The following SLC9D1 variants were observed in gnomAD, a reference collection of about 807,000 sequenced individuals.
The protein encoded by SLC9D1 is putative LAG1-interacting protein.
chr13:113,493,775 T>C, the SLC9D1 span, among the ~76,000 whole-genome samples: 1 of 152,330 alleles, frequency 6.6e-6, no homozygotes, highest in South Asian at 2.1e-4. Flanking sequence ...TTGGTGACTT[T>C]TGCTTGTAAT....
At chr13:113,491,748 G>A in the SLC9D1 span, among the ~76,000 whole-genome samples, 1 of 152,190 alleles carries the variant, frequency 6.6e-6, no homozygotes, top group Non-Finnish European at 1.5e-5. Flanking sequence ...CGGCCGCAGA[G>A]ATGCAGCCCT....
the SLC9D1 span, among the ~76,000 whole-genome samples, chr13:113,517,220 GA>G: frequency 6.6e-6 from 1 of 152,200 alleles, no homozygotes; most frequent in Admixed American, 6.5e-5. Flanking sequence ...CAATGTGCTA[GA>G]ATATTCATGC....
chr13:113,497,607 G>C, the SLC9D1 span, among the ~76,000 whole-genome samples: 1 of 149,294 alleles, frequency 6.7e-6, no homozygotes, highest in Non-Finnish European at 1.5e-5. Flanking sequence ...GAGACCTACA[G>C]CTGTGTGAGA....
chr13:113,532,081 A>G, the SLC9D1 span, among the ~76,000 whole-genome samples: 59,251 of 152,062 alleles, frequency 0.39, 12,703 homozygotes, highest in African/African-American at 0.57. Context: ...CCAGGCTGCC[A>G]TAATAGGTGG....
At chr13:113,499,198 A>G in the SLC9D1 span, among the ~76,000 whole-genome samples, 2 of 152,160 alleles carry the variant, frequency 1.3e-5, no homozygotes, top group East Asian at 3.9e-4. Flanking sequence ...TATAATTAGT[A>G]TATAGTGAGC....
chr13:113,498,248 G>T, the SLC9D1 span: 1 of 948,614 alleles, frequency 1.1e-6, no homozygotes, highest in Non-Finnish European at 1.5e-6. Context: ...CATATGAACA[G>T]GGACATTTGA....
the SLC9D1 span, among the ~76,000 whole-genome samples, chr13:113,520,011 G>C: frequency 6.6e-6 from 1 of 152,192 alleles, no homozygotes; most frequent in Non-Finnish European, 1.5e-5. Context: ...AAATTGGTGT[G>C]ATTATCCAAG....
chr13:113,501,095 C>T, the SLC9D1 span, among the ~76,000 whole-genome samples: 1 of 152,178 alleles, frequency 6.6e-6, no homozygotes. Context: ...GGCAAAGCCA[C>T]GTGAATTACA....
At chr13:113,514,223 T>C in the SLC9D1 span, 3 of 145,624 alleles carry the variant, frequency 2.1e-5, no homozygotes, top group African/African-American at 5.5e-5. Flanking sequence ...GTAACTTTTA[T>C]TGAAAGGCAT....
At chr13:113,501,282 T>C in the SLC9D1 span, among the ~76,000 whole-genome samples, 4 of 152,142 alleles carry the variant, frequency 2.6e-5, no homozygotes, top group South Asian at 6.2e-4. Flanking sequence ...GATGAAAATA[T>C]TCAGAAAAAA....
the SLC9D1 span, among the ~76,000 whole-genome samples, chr13:113,531,883 A>G: frequency 5.6e-3 from 846 of 152,332 alleles, 9 homozygotes; most frequent in African/African-American, 0.019. Context: ...TCTGGGAATT[A>G]GACCTAAATC....
At chr13:113,511,524 G>T in the SLC9D1 span, among the ~76,000 whole-genome samples, 1 of 152,226 alleles carries the variant, frequency 6.6e-6, no homozygotes, top group Non-Finnish European at 1.5e-5. Context: ...TTAAAAATCT[G>T]CGGCTTTCTG....
the SLC9D1 span, among the ~76,000 whole-genome samples, chr13:113,514,702 C>T: frequency 2.5e-3 from 383 of 151,650 alleles, 1 homozygote; most frequent in African/African-American, 8.6e-3. Flanking sequence ...CTGAGATCGA[C>T]GCCATCCACA....
the SLC9D1 span, among the ~76,000 whole-genome samples, chr13:113,548,800 C>T: frequency 1.3e-5 from 2 of 152,302 alleles, no homozygotes; most frequent in Admixed American, 6.5e-5. Flanking sequence ...GCAGTGTGCC[C>T]GGAGAGCTGG....
At chr13:113,520,376 C>T in the SLC9D1 span, among the ~76,000 whole-genome samples, 1 of 150,508 alleles carries the variant, frequency 6.6e-6, no homozygotes, top group African/African-American at 2.5e-5. Flanking sequence ...CCCAGCTACT[C>T]AGGAGGCTAA....
chr13:113,503,902 C>T, the SLC9D1 span: 1 of 267,686 alleles, frequency 3.7e-6, no homozygotes, highest in Non-Finnish European at 7.1e-6. Context: ...GGTCAGATGT[C>T]ATAGAGCTTG....
chr13:113,498,309 A>G, the SLC9D1 span: 2 of 1,446,852 alleles, frequency 1.4e-6, no homozygotes, highest in Non-Finnish European at 1.8e-6. Flanking sequence ...ATTTCTTAAT[A>G]TATCTCACTC....
chr13:113,512,997 AG>A, the SLC9D1 span, among the ~76,000 whole-genome samples: 1 of 152,112 alleles, frequency 6.6e-6, no homozygotes, highest in Non-Finnish European at 1.5e-5. Flanking sequence ...GTAGGTTTTC[AG>A]AACTCGAGAC....
At chr13:113,496,235 A>C in the SLC9D1 span, among the ~76,000 whole-genome samples, 4 of 152,230 alleles carry the variant, frequency 2.6e-5, no homozygotes, top group Admixed American at 2.0e-4. Flanking sequence ...GTGAGGGAGA[A>C]TCTTTTCCTT....
Sources: allele counts gnomAD v4.1 joint callset (sites outside exome capture counted in the v4.1 genomes callset), GRCh38; gene constraint gnomAD v4.1.1; transcripts MANE v1.5; gene names NCBI Gene and HGNC (gene_info 2026-07-23, HGNC 2026-07-21).